The following SDC2 variants were observed in gnomAD, a reference collection of about 807,000 sequenced individuals.
SDC2 encodes syndecan-2.
A neutral mutation model predicts 22.2 loss-of-function variants in SDC2; 13 were observed. The ratio of observed to expected loss-of-function variants is 0.59; its 90% CI spans 0.38 to 0.93. The LOEUF is 0.93. SDC2 is among the 40% of genes least tolerant of loss of function. The pLI, the probability that SDC2 is intolerant of heterozygous loss-of-function variation, is 0.00. For missense variants in SDC2, 235 were observed against 246.8 expected (o/e 0.95, Z 0.32); for synonymous variants, 94 against 92.8 (o/e 1.01, Z -0.07).
At chr8:96,595,506 CT>C (rs34644065) in intron 2 of SDC2, among the ~76,000 whole-genome samples, 379 of 145,818 alleles carry the variant, frequency 2.6e-3, no homozygotes, top group Non-Finnish European at 3.2e-3. Context: ...CATGGCACCT[CT>C]TTTTTTTTTT....
intron 1 of SDC2, among the ~76,000 whole-genome samples, chr8:96,548,447 G>A (rs1013313000): frequency 1.3e-5 from 2 of 152,238 alleles, no homozygotes; most frequent in South Asian, 4.2e-4. Flanking sequence ...TAAGAATAAT[G>A]CATACATTTC....
rs369210403 is a variant in SDC2, at chr8:96,602,492, G to A, written c.270G>A (p.Thr90=). ...CTGCTCCAAAAGTGGAAACCACGAC[G>A]CTGAATATACAGAACAAGATACCTG... is the stretch of plus-strand genomic sequence containing the variant. ...TSAAPKVETT[T]LNIQNKIPAQ... The change falls in exon 3 of 5, where the codon ACG becomes ACA. Residue 90 remains threonine, a synonymous_variant. Transcript: ENST00000302190. 189 of 1,614,028 alleles carry A rather than the reference G, an allele frequency of 1.2e-4. No individual in the cohort carries two copies. The highest frequency in any genetic ancestry group is 1.3e-4 in the Non-Finnish European group (154 of 1,180,018).
intron 1 of SDC2, among the ~76,000 whole-genome samples, chr8:96,539,224 A>T (rs1021254939): frequency 5.3e-5 from 8 of 152,234 alleles, no homozygotes; most frequent in Admixed American, 4.6e-4. Flanking sequence ...GAATTGTCAG[A>T]TTCTACAGAC....
chr8:96,576,480 C>T (rs1204395699), intron 1 of SDC2, among the ~76,000 whole-genome samples: 2 of 76,064 alleles, frequency 2.6e-5, no homozygotes, highest in Admixed American at 3.2e-4. Flanking sequence ...AGTGCAGTGG[C>T]GGGACCTCGG....
intron 2 of SDC2, 80 bp from the exon 3 acceptor site, chr8:96,602,315 A>C (rs554821616): frequency 7.2e-7 from 1 of 1,385,524 alleles, no homozygotes; most frequent in South Asian, 1.3e-5. Context: ...GTCAGTGTCA[A>C]CGTCAGGCAA....
intron 1 of SDC2, among the ~76,000 whole-genome samples, chr8:96,510,057 G>A (rs559792188): frequency 6.6e-6 from 1 of 152,280 alleles, no homozygotes; most frequent in African/African-American, 2.4e-5. Flanking sequence ...CTTCCTGAAG[G>A]AAAACTTTTC....
intron 1 of SDC2, among the ~76,000 whole-genome samples, chr8:96,575,193 A>G (rs574496604): frequency 6.6e-6 from 1 of 152,148 alleles, no homozygotes; most frequent in Non-Finnish European, 1.5e-5. Flanking sequence ...TTTCTCCTTC[A>G]TGAAAACTGT....
At chr8:96,503,804 ATATGT>A (rs1207730869) in intron 1 of SDC2, among the ~76,000 whole-genome samples, 7 of 152,198 alleles carry the variant, frequency 4.6e-5, no homozygotes, top group Non-Finnish European at 1.0e-4. Flanking sequence ...TCAGAGAAAG[ATATGT>A]TATAAAGCTC....
At chr8:96,516,079 T>C (rs767577591) in intron 1 of SDC2, among the ~76,000 whole-genome samples, 5 of 152,182 alleles carry the variant, frequency 3.3e-5, no homozygotes, top group African/African-American at 7.2e-5. Context: ...TTGTTAAAAA[T>C]GCACATTCTT....
chr8:96,525,621 G>T (rs1238716619), intron 1 of SDC2, among the ~76,000 whole-genome samples: 1 of 152,118 alleles, frequency 6.6e-6, no homozygotes, highest in Non-Finnish European at 1.5e-5. Flanking sequence ...CCTCCAGGCT[G>T]GTGAGTTGAA....
intron 2 of SDC2, among the ~76,000 whole-genome samples, chr8:96,597,768 T>A (rs1490630787): frequency 6.6e-6 from 1 of 152,174 alleles, no homozygotes; most frequent in Non-Finnish European, 1.5e-5. Flanking sequence ...AGGATATTCA[T>A]TCATTGAGGA....
intron 1 of SDC2, among the ~76,000 whole-genome samples, chr8:96,522,564 A>G (rs999212343): frequency 6.6e-6 from 1 of 152,236 alleles, no homozygotes; most frequent in South Asian, 2.1e-4. Flanking sequence ...ATCGAGAAAC[A>G]CTTTCTCAAA....
chr8:96,596,758 C>G (rs142508722), intron 2 of SDC2, among the ~76,000 whole-genome samples: 1 of 152,172 alleles, frequency 6.6e-6, no homozygotes, highest in Non-Finnish European at 1.5e-5. Context: ...TGGGCATGAA[C>G]TCATAAGGAC....
At chr8:96,583,862 A>G (rs985160604) in intron 1 of SDC2, among the ~76,000 whole-genome samples, 5 of 152,132 alleles carry the variant, frequency 3.3e-5, no homozygotes, top group Non-Finnish European at 5.9e-5. Context: ...GAGAAAACTA[A>G]TATATCATGC....
rs1184910440 is a variant in SDC2, at chr8:96,611,709, T to G, written c.*2161T>G. ...AGAAAAATTTCTGGCAAATATTTTGTCACTGCTGTAAAGCAAAATATTTGT... is the reference window on the plus strand; with the variant it reads ...AGAAAAATTTCTGGCAAATATTTTGGCACTGCTGTAAAGCAAAATATTTGT... On this transcript the variant is annotated 3_prime_UTR_variant, in exon 5 of 5. Coordinates refer to ENST00000302190, the MANE Select transcript of SDC2 (RefSeq NM_002998.4). 1 of 152,634 alleles carries G rather than the reference T, an allele frequency of 6.6e-6. No individual in the cohort carries two copies. The highest frequency in any genetic ancestry group is 2.4e-5 in the African/African-American group (1 of 41,466). The allele number at this position is 152,634 out of a possible 1,614,324, so 9.5% of individuals were successfully genotyped here. A position where few individuals can be genotyped will look rare whatever the true frequency, so the allele number is the denominator to read the frequency against.
At chr8:96,570,369 T>C (rs1465675792) in intron 1 of SDC2, among the ~76,000 whole-genome samples, 1 of 152,224 alleles carries the variant, frequency 6.6e-6, no homozygotes, top group Non-Finnish European at 1.5e-5. Flanking sequence ...CTTAAAGACA[T>C]TTGTCTAGAA....
chr8:96,582,171 C>A lies in SDC2; in HGVS notation c.61-11309C>A, dbSNP rs554560093. Among the ~76,000 whole-genome samples the A allele has an allele frequency of 1.0e-3, 159 of 151,792 alleles. 1 individual carries two copies. The highest frequency in any genetic ancestry group is 2.2e-4 in the Non-Finnish European group (15 of 68,028). ...GGTTCTTCTGTCAAGCAAACCATTT[C>A]TTTAAAAGTTGCTTGGTTGGCCATT... On this transcript the variant is annotated intron_variant, in intron 1 of 4. Coordinates refer to ENST00000302190, the MANE Select transcript of SDC2 (RefSeq NM_002998.4).
intron 1 of SDC2, among the ~76,000 whole-genome samples, chr8:96,514,486 C>G (rs375354897): frequency 2.0e-4 from 31 of 152,296 alleles, no homozygotes; most frequent in Middle Eastern, 3.4e-3. Context: ...TCATGCTGGA[C>G]CTTGATCACC....
Position 96,494,209 on chromosome 8 carries a change from G to C in SDC2, c.-63G>C. On this transcript the variant is annotated 5_prime_UTR_variant, in exon 1 of 5. Transcript: ENST00000302190. ...GTGCGCGGGCTGCGCCGAGCGCTGG[G>C]CAGGAGGCTTCGTTTTGCCCTGGTT... is the stretch of plus-strand genomic sequence containing the variant. 1 of 1,490,562 alleles carries C rather than the reference G, an allele frequency of 6.7e-7. No homozygotes were observed. Among genetic ancestry groups the C allele is most frequent in the Non-Finnish European group, 9.1e-7 (1 of 1,104,364 alleles). 92.3% of individuals were successfully genotyped at this position (1,490,562 alleles called of 1,614,324 possible). A position where few individuals can be genotyped will look rare whatever the true frequency, so the allele number is the denominator to read the frequency against.
Sources: allele counts gnomAD v4.1 joint callset (sites outside exome capture counted in the v4.1 genomes callset), GRCh38; gene constraint gnomAD v4.1.1; transcripts MANE v1.5; gene names NCBI Gene and HGNC (gene_info 2026-07-23, HGNC 2026-07-21).